ANKS1B: variants seen among roughly 807,000 people sequenced by gnomAD.
The protein encoded by ANKS1B is ankyrin repeat and sterile alpha motif domain containing 1B, also known as ankyrin repeat and sterile alpha motif domain-containing protein 1B.
In ANKS1B, 36 loss-of-function variants were observed where a neutral mutation model predicts 148.3. That is an observed-to-expected ratio of 0.24 (90% CI 0.19 to 0.32). The LOEUF (loss-of-function observed/expected upper bound fraction) is 0.32. Ranked by LOEUF, ANKS1B falls within the 10% of genes least tolerant of loss-of-function variation. ANKS1B has a pLI of 1.00. For synonymous variants in ANKS1B, 542 were observed against 560.8 expected, an observed-to-expected ratio of 0.97 and a Z score of 0.47; for missense variants, 1,157 against 1,542.6, an observed-to-expected ratio of 0.75 and a Z score of 4.19.
At chr12:99,035,417 C>T (rs1171757221) in intron 17 of ANKS1B, among the ~76,000 whole-genome samples, 1 of 152,144 alleles carries the variant, frequency 6.6e-6, no homozygotes, top group Non-Finnish European at 1.5e-5. Flanking sequence ...GCCTTCCTGG[C>T]TTTCTTCACT....
At chr12:99,472,556 TTC>T (rs1206771638) in intron 10 of ANKS1B, among the ~76,000 whole-genome samples, 1 of 152,172 alleles carries the variant, frequency 6.6e-6, no homozygotes, top group Non-Finnish European at 1.5e-5. Flanking sequence ...ATGTTTATAA[TTC>T]TGTTTTCATT....
intron 4 of ANKS1B, among the ~76,000 whole-genome samples, chr12:99,790,781 A>T (rs1343820009): frequency 6.6e-6 from 1 of 152,112 alleles, no homozygotes; most frequent in Non-Finnish European, 1.5e-5. Context: ...AAAAAATTAA[A>T]AAGCATGAAA....
At chr12:99,451,222 A>C (rs908503629) in intron 10 of ANKS1B, among the ~76,000 whole-genome samples, 2 of 151,960 alleles carry the variant, frequency 1.3e-5, no homozygotes, top group African/African-American at 4.9e-5. Flanking sequence ...AGTTTAGTCT[A>C]TAATAACAAC....
chr12:99,547,126 G>T (rs551807762), intron 9 of ANKS1B, among the ~76,000 whole-genome samples: 1 of 152,092 alleles, frequency 6.6e-6, no homozygotes, highest in Middle Eastern at 3.4e-3. Context: ...TTGGGTTTTG[G>T]AGTCAGACCA....
At chr12:99,276,628 C>G (rs538908156) in intron 12 of ANKS1B, among the ~76,000 whole-genome samples, 1 of 152,312 alleles carries the variant, frequency 6.6e-6, no homozygotes, top group South Asian at 2.1e-4. Context: ...TGAGAAAATA[C>G]ATTTCTACTG....
intron 15 of ANKS1B, among the ~76,000 whole-genome samples, chr12:99,126,308 G>A (rs1387370185): frequency 6.6e-6 from 1 of 152,094 alleles, no homozygotes; most frequent in Non-Finnish European, 1.5e-5. Flanking sequence ...ACTATCAGAG[G>A]GATGAGAATG....
At chr12:98,779,205 A>G (rs79150595) in intron 24 of ANKS1B, among the ~76,000 whole-genome samples, 1 of 152,344 alleles carries the variant, frequency 6.6e-6, no homozygotes, top group Non-Finnish European at 1.5e-5. Context: ...ATCAGTGAGC[A>G]GAGGTTTATG....
chr12:98,753,238 C>G (rs2098138757), intron 25 of ANKS1B, among the ~76,000 whole-genome samples: 1 of 152,166 alleles, frequency 6.6e-6, no homozygotes, highest in African/African-American at 2.4e-5. Context: ...TCTGCCTTTT[C>G]TTCCAAGCAC....
intron 17 of ANKS1B, among the ~76,000 whole-genome samples, chr12:98,911,863 T>C (rs981285656): frequency 2.6e-5 from 4 of 152,318 alleles, no homozygotes; most frequent in Admixed American, 1.3e-4. Context: ...CCTTATCTAC[T>C]TCTCTAGCCT....
chr12:99,599,927 T>C (rs1398639354), intron 9 of ANKS1B, among the ~76,000 whole-genome samples: 2 of 150,922 alleles, frequency 1.3e-5, no homozygotes, highest in Admixed American at 6.6e-5. Flanking sequence ...TGGCCATGAG[T>C]ATAGTTGAAA....
In ANKS1B at chr12:99,736,619, C is replaced by A. The variant is rs2059640352; in HGVS notation, c.1128+36303G>T. On this transcript the variant is annotated intron_variant, in intron 8 of 26. Coordinates refer to ENST00000683438, the MANE Select transcript of ANKS1B (RefSeq NM_001352186.2). ...AGGGCATAAACAAAGAGAAAGACAT[C>A]CCATGTTCACAGATCAGAGGAATTT... Among the ~76,000 whole-genome samples the A allele has an allele frequency of 2.0e-5, 3 of 152,018 alleles. No individual in the cohort carries two copies. The East Asian group carries it at 5.8e-4, about 29-fold the overall frequency.
intron 16 of ANKS1B, among the ~76,000 whole-genome samples, chr12:99,084,237 G>C (rs747325407): frequency 6.6e-6 from 1 of 152,092 alleles, no homozygotes; most frequent in African/African-American, 2.4e-5. Flanking sequence ...GTCTCTTATG[G>C]GGCAGGAGGC....
chr12:98,911,715 T>C (rs1336347947), intron 17 of ANKS1B, among the ~76,000 whole-genome samples: 2 of 152,176 alleles, frequency 1.3e-5, no homozygotes, highest in African/African-American at 4.8e-5. Context: ...GGTCCTTTTA[T>C]TGTCCTGGCA....
chr12:99,113,705 AC>A (rs370927040), intron 15 of ANKS1B, among the ~76,000 whole-genome samples: 1 of 151,924 alleles, frequency 6.6e-6, no homozygotes, highest in African/African-American at 2.4e-5. Context: ...TCCAACCCCC[AC>A]CCTTTCACTA....
intron 1 of ANKS1B, among the ~76,000 whole-genome samples, chr12:99,933,065 T>C (rs2094665414): frequency 6.6e-6 from 1 of 152,164 alleles, no homozygotes; most frequent in South Asian, 2.1e-4. Flanking sequence ...CAAAAATGAG[T>C]TCACTGTAGG....
At chr12:99,805,468 A>G (rs1045195247) in intron 4 of ANKS1B, among the ~76,000 whole-genome samples, 2 of 151,496 alleles carry the variant, frequency 1.3e-5, no homozygotes, top group Admixed American at 6.6e-5. Context: ...TACAAAAAAT[A>G]CAAAACTTAG....
chr12:99,276,994 TC>T (rs2077757563), intron 12 of ANKS1B, among the ~76,000 whole-genome samples: 1 of 152,154 alleles, frequency 6.6e-6, no homozygotes. Flanking sequence ...ACGTCTACAT[TC>T]CCCTTTCTTG....
chr12:99,113,494 T>C (rs1004391445), intron 15 of ANKS1B, among the ~76,000 whole-genome samples: 1 of 152,246 alleles, frequency 6.6e-6, no homozygotes, highest in Non-Finnish European at 1.5e-5. Flanking sequence ...AGTGTTAGCA[T>C]TAGCAGGTAC....
chr12:99,527,979 A>G (rs2096943847), intron 9 of ANKS1B, among the ~76,000 whole-genome samples: 1 of 152,050 alleles, frequency 6.6e-6, no homozygotes, highest in African/African-American at 2.4e-5. Context: ...TATATACTAC[A>G]AGGCTACAGT....
Sources: allele counts gnomAD v4.1 joint callset (sites outside exome capture counted in the v4.1 genomes callset), GRCh38; gene constraint gnomAD v4.1.1; transcripts MANE v1.5; gene names NCBI Gene and HGNC (gene_info 2026-07-23, HGNC 2026-07-21).